The following LDAH variants were observed in gnomAD, a reference collection of about 807,000 sequenced individuals.
LDAH encodes lipid droplet associated hydrolase.
In LDAH, 26 loss-of-function variants were observed where a neutral mutation model predicts 29.6. The ratio of observed to expected loss-of-function variants is 0.88; its 90% CI spans 0.64 to 1.22. LDAH has a LOEUF of 1.22. Ranked by LOEUF, LDAH falls within the 50% of genes most tolerant of loss-of-function variation. LDAH has a pLI of 0.00. For synonymous variants in LDAH, 117 were observed against 133.0 expected, an observed-to-expected ratio of 0.88 and a Z score of 0.83; for missense variants, 344 against 387.3, an observed-to-expected ratio of 0.89 and a Z score of 0.94.
chr2:20,798,249 T>G (rs1461247320), intron 2 of LDAH, among the ~76,000 whole-genome samples: 1 of 152,112 alleles, frequency 6.6e-6, no homozygotes, highest in African/African-American at 2.4e-5. Context: ...AAATGTGGGA[T>G]CTGAGAAACG....
chr2:20,748,729 G>A (rs537382185), intron 4 of LDAH, among the ~76,000 whole-genome samples: 1 of 152,276 alleles, frequency 6.6e-6, no homozygotes, highest in Non-Finnish European at 1.5e-5. Flanking sequence ...CAAACCTTAA[G>A]GTCTATAGCT....
intron 5 of LDAH, among the ~76,000 whole-genome samples, chr2:20,704,841 A>C (rs552773498): frequency 6.6e-6 from 1 of 152,222 alleles, no homozygotes; most frequent in East Asian, 1.9e-4. Context: ...TCAAAAATGC[A>C]TCAGATTTTA....
intron 4 of LDAH, among the ~76,000 whole-genome samples, chr2:20,751,453 T>C (rs1449751030): frequency 1.3e-5 from 2 of 152,176 alleles, no homozygotes; most frequent in African/African-American, 2.4e-5. Flanking sequence ...TTTTGAAAAA[T>C]TGCTACAAGC....
intron 3 of LDAH, among the ~76,000 whole-genome samples, chr2:20,781,439 T>TA (rs1670186170): frequency 6.6e-6 from 1 of 152,208 alleles, no homozygotes; most frequent in South Asian, 2.1e-4. Context: ...TCTCAATGAT[T>TA]ACATATTTTT....
intron 4 of LDAH, among the ~76,000 whole-genome samples, chr2:20,769,063 C>G (rs367550018): frequency 1.3e-5 from 2 of 152,160 alleles, no homozygotes; most frequent in African/African-American, 4.8e-5. Context: ...GACCCCTCCA[C>G]GCACACTCTG....
intron 3 of LDAH, among the ~76,000 whole-genome samples, chr2:20,775,539 T>C (rs1402418730): frequency 6.6e-6 from 1 of 152,198 alleles, no homozygotes; most frequent in East Asian, 1.9e-4. Flanking sequence ...ATATTACTAA[T>C]AGACAACTAA....
intron 6 of LDAH, among the ~76,000 whole-genome samples, chr2:20,697,902 A>T (rs1326021086): frequency 6.6e-6 from 1 of 152,226 alleles, no homozygotes; most frequent in Non-Finnish European, 1.5e-5. Flanking sequence ...AAAAATGATA[A>T]GTATTTTTAA....
chr2:20,771,595 A>T (rs1239349447), intron 4 of LDAH, among the ~76,000 whole-genome samples: 1 of 152,234 alleles, frequency 6.6e-6, no homozygotes, highest in Non-Finnish European at 1.5e-5. Context: ...TTTGGCAGGG[A>T]TCACACCACC....
At chr2:20,762,719 T>A (rs1668776144) in intron 4 of LDAH, among the ~76,000 whole-genome samples, 1 of 152,238 alleles carries the variant, frequency 6.6e-6, no homozygotes, top group Non-Finnish European at 1.5e-5. Flanking sequence ...ATCCTTTGCA[T>A]CTTTGAGAAC....
intron 3 of LDAH, among the ~76,000 whole-genome samples, chr2:20,775,298 C>T (rs1669730654): frequency 6.6e-6 from 1 of 152,164 alleles, no homozygotes; most frequent in Non-Finnish European, 1.5e-5. Flanking sequence ...CATGAACTTT[C>T]AATAATTCTG....
chr2:20,818,737 A>T (rs961584042), intron 1 of LDAH, among the ~76,000 whole-genome samples: 2 of 152,152 alleles, frequency 1.3e-5, no homozygotes, highest in Admixed American at 1.3e-4. Context: ...CAGTCTTCTG[A>T]TACCTATTCC....
chr2:20,811,755 A>G (rs921626805), intron 1 of LDAH, among the ~76,000 whole-genome samples: 2 of 152,186 alleles, frequency 1.3e-5, no homozygotes, highest in African/African-American at 2.4e-5. Context: ...AAGTGCTGGG[A>G]TTACAGGTAT....
intron 3 of LDAH, among the ~76,000 whole-genome samples, chr2:20,785,982 T>C (rs1422010934): frequency 6.6e-6 from 1 of 152,194 alleles, no homozygotes; most frequent in African/African-American, 2.4e-5. Context: ...GATCTGATAT[T>C]TCTAAAATTG....
At chr2:20,737,021 T>C (rs1477519354) in intron 5 of LDAH, among the ~76,000 whole-genome samples, 1 of 152,226 alleles carries the variant, frequency 6.6e-6, no homozygotes, top group Non-Finnish European at 1.5e-5. Flanking sequence ...AAGACTATTT[T>C]TTCCTACTCT....
chr2:20,765,576 C>T (rs116481326), intron 4 of LDAH, among the ~76,000 whole-genome samples: 487 of 152,276 alleles, frequency 3.2e-3, no homozygotes, highest in Non-Finnish European at 5.3e-3. Context: ...GTCAGGAATT[C>T]AAATAGGGCT....
intron 5 of LDAH, among the ~76,000 whole-genome samples, chr2:20,723,529 C>T (rs1477500961): frequency 1.3e-5 from 2 of 152,038 alleles, no homozygotes; most frequent in Non-Finnish European, 2.9e-5. Flanking sequence ...ATTTTTTCAT[C>T]AGGGAATGTA....
At chr2:20,790,476 G>C in intron 2 of LDAH, 78 bp from the exon 3 acceptor site, 1 of 1,232,838 alleles carries the variant, frequency 8.1e-7, no homozygotes, top group South Asian at 1.4e-5. Context: ...AGAAAAGATG[G>C]GTCTGTTTCT....
At chr2:20,793,022 A>T (rs538883974) in intron 2 of LDAH, among the ~76,000 whole-genome samples, 2 of 152,310 alleles carry the variant, frequency 1.3e-5, no homozygotes, top group African/African-American at 4.8e-5. Flanking sequence ...TTTTATCATC[A>T]TCAAGTAAAT....
At chr2:20,789,114 C>T in intron 3 of LDAH, 6 of 1,549,856 alleles carry the variant, frequency 3.9e-6, no homozygotes, top group Non-Finnish European at 4.4e-6. Flanking sequence ...CACCTCCATG[C>T]CCTAAATCCA....
Sources: allele counts gnomAD v4.1 joint callset (sites outside exome capture counted in the v4.1 genomes callset), GRCh38; gene constraint gnomAD v4.1.1; transcripts MANE v1.5; gene names NCBI Gene and HGNC (gene_info 2026-07-23, HGNC 2026-07-21).